CACNA2D1: variants seen among roughly 807,000 people sequenced by gnomAD.
CACNA2D1 encodes calcium voltage-gated channel auxiliary subunit alpha2delta 1.
CACNA2D1 carries 53 observed loss-of-function variants against 171.5 expected under a neutral mutation model. That is an observed-to-expected ratio of 0.31 (90% CI 0.25 to 0.39). The LOEUF (loss-of-function observed/expected upper bound fraction) is 0.39. Ranked by LOEUF, CACNA2D1 falls within the 10% of genes least tolerant of loss-of-function variation. The pLI, the probability that CACNA2D1 is intolerant of heterozygous loss-of-function variation, is 1.00. For missense variants in CACNA2D1, 903 were observed against 1,299.8 expected (o/e 0.69, Z 4.69); for synonymous variants, 442 against 443.1 (o/e 1.00, Z 0.03).
intron 1 of CACNA2D1, among the ~76,000 whole-genome samples, chr7:82,415,993 T>C (rs980771689): frequency 1.3e-5 from 2 of 151,918 alleles, no homozygotes; most frequent in Non-Finnish European, 2.9e-5. Flanking sequence ...GACGGGTGGA[T>C]TGCTTGAGGT....
chr7:82,287,739 A>C lies in CACNA2D1; in HGVS notation c.294+47396T>G, dbSNP rs1374467034. On this transcript the variant is annotated intron_variant, in intron 3 of 38. Transcript: ENST00000356860. The stretch of plus-strand genomic sequence containing the variant: ...TTTTAAAAATGATGCAGACAATTAA[A>C]ATAATGAGAGAACAAATTATCAGCC... Among the ~76,000 whole-genome samples the C allele has an allele frequency of 3.3e-5, 5 of 152,354 alleles. No homozygotes were observed. In the South Asian group the frequency reaches 6.2e-4, roughly 19 times the overall value.
At position 82,145,879 on chromosome 7, in the gene CACNA2D1, G is replaced by A. The variant is rs370823072; in HGVS notation, c.355-9203C>T. On this transcript the variant is annotated intron_variant, in intron 4 of 38. Transcript: ENST00000356860. ...TTTAAAATTATTATTAATTTATTTC[G>A]CTTACTGGAAGAACAACAAAAAGCT... Among the ~76,000 whole-genome samples the A allele has an allele frequency of 1.1e-4, 16 of 143,468 alleles. No homozygotes were observed. The East Asian group carries it at 1.7e-3, about 16-fold the overall frequency. 94.1% of individuals were successfully genotyped at this position (143,468 alleles called of 152,430 possible).
chr7:82,105,697 C>T (rs984959990), intron 6 of CACNA2D1, among the ~76,000 whole-genome samples: 12 of 151,932 alleles, frequency 7.9e-5, no homozygotes, highest in African/African-American at 2.7e-4. Flanking sequence ...ATATGAGGGA[C>T]GATGATTACT....
intron 6 of CACNA2D1, among the ~76,000 whole-genome samples, chr7:82,091,204 G>A (rs1811113452): frequency 6.6e-6 from 1 of 152,156 alleles, no homozygotes; most frequent in Non-Finnish European, 1.5e-5. Flanking sequence ...GATGAATAAG[G>A]TACAGGGAGA....
At position 82,149,796 on chromosome 7, in the gene CACNA2D1, A is replaced by AAAAGAAAAG. The variant is rs1563121875; in HGVS notation, c.355-13121_355-13120insCTTTTCTTT. Among the ~76,000 whole-genome samples the AAAAGAAAAG allele has an allele frequency of 5.8e-4, 79 of 136,736 alleles. 2 individuals carry two copies. The highest frequency in any genetic ancestry group is 9.5e-4 in the Non-Finnish European group (59 of 62,002). The allele number at this position is 136,736 out of a possible 152,430, so 89.7% of individuals were successfully genotyped here. A position where few individuals can be genotyped will look rare whatever the true frequency, so the allele number is the denominator to read the frequency against. ...ACAAAAAAAAAACAAACAAACAACA[A>AAAAGAAAAG]AAAAAAAAACATTAGCTGGGTGTGG... On this transcript the variant is annotated intron_variant, in intron 4 of 38. Transcript: ENST00000356860.
chr7:82,060,174 A>AT (rs1259916304), intron 10 of CACNA2D1, among the ~76,000 whole-genome samples: 2 of 31,896 alleles, frequency 6.3e-5, no homozygotes, highest in Non-Finnish European at 1.1e-4. Context: ...TAATATATAT[A>AT]TATAATATAT....
intron 3 of CACNA2D1, among the ~76,000 whole-genome samples, chr7:82,291,120 T>A (rs186189787): frequency 1.1e-3 from 137 of 126,926 alleles, no homozygotes; most frequent in African/African-American, 3.4e-3. Flanking sequence ...CCCTACTATC[T>A]GGGACTACAA....
intron 12 of CACNA2D1, among the ~76,000 whole-genome samples, chr7:82,024,884 C>T (rs1311603734): frequency 6.6e-6 from 1 of 151,564 alleles, no homozygotes; most frequent in Non-Finnish European, 1.5e-5. Flanking sequence ...TTTTCCAACA[C>T]CATTTGTTGC....
chr7:82,394,617 G>T (rs1312583076), intron 1 of CACNA2D1, among the ~76,000 whole-genome samples: 1 of 152,128 alleles, frequency 6.6e-6, no homozygotes, highest in African/African-American at 2.4e-5. Context: ...TAAGCAGGTG[G>T]TTTATTTCGG....
Position 82,338,903 on chromosome 7 carries a change from TGA to T in CACNA2D1, c.178-3654_178-3653del, listed in dbSNP as rs142426568. Among the ~76,000 whole-genome samples the T allele has an allele frequency of 6.1e-3, 921 of 152,188 alleles. 10 individuals carry two copies. Among genetic ancestry groups the T allele is most frequent in the South Asian group, 0.052 (251 of 4,814 alleles). ...ATCAAAGAAATTCTAATGCAGAGGC[TGA>T]GAGATGGAAAGTGGGAAGCAGACAC... On this transcript the variant is annotated intron_variant, in intron 2 of 38. Transcript: ENST00000356860.
At chr7:82,328,229 T>C (rs42051) in intron 3 of CACNA2D1, among the ~76,000 whole-genome samples, 107,797 of 152,054 alleles carry the variant, frequency 0.71, 38,407 homozygotes, top group East Asian at 0.8. Flanking sequence ...CTGGATAATT[T>C]ATACCCTCCA....
At chr7:82,055,075 T>A (rs1429623567) in intron 10 of CACNA2D1, among the ~76,000 whole-genome samples, 2 of 152,204 alleles carry the variant, frequency 1.3e-5, no homozygotes, top group Non-Finnish European at 1.5e-5. Context: ...TGGCTCAGAA[T>A]TTTCTTTTGA....
chr7:81,996,028 G>T (rs925216525), intron 19 of CACNA2D1, among the ~76,000 whole-genome samples: 1 of 152,098 alleles, frequency 6.6e-6, no homozygotes, highest in Non-Finnish European at 1.5e-5. Context: ...AAATATTTGG[G>T]TCTTAAAGGA....
chr7:82,015,718 TTGAC>T (rs1218226031), intron 12 of CACNA2D1, among the ~76,000 whole-genome samples: 3 of 152,334 alleles, frequency 2.0e-5, no homozygotes, highest in Non-Finnish European at 2.9e-5. Context: ...CTAATTCATG[TTGAC>T]TGACTATTTG....
chr7:82,261,589 T>G (rs768210616), intron 3 of CACNA2D1, among the ~76,000 whole-genome samples: 1 of 152,188 alleles, frequency 6.6e-6, no homozygotes, highest in Non-Finnish European at 1.5e-5. Flanking sequence ...GATATAAGGG[T>G]AGTATTCTAC....
At chr7:81,980,172 C>CAA (rs35616922) in intron 24 of CACNA2D1, among the ~76,000 whole-genome samples, 996 of 25,238 alleles carry the variant, frequency 0.039, 83 homozygotes, top group East Asian at 0.086. Flanking sequence ...TAAAACCAAG[C>CAA]AAAAAAAAAA....
chr7:82,234,374 C>T (rs1425857183), intron 3 of CACNA2D1, among the ~76,000 whole-genome samples: 1 of 151,648 alleles, frequency 6.6e-6, no homozygotes, highest in East Asian at 1.9e-4. Flanking sequence ...ACTACCTTAC[C>T]CATACATCTA....
chr7:82,016,618 C>A (rs1040583744), intron 12 of CACNA2D1, among the ~76,000 whole-genome samples: 3 of 122,214 alleles, frequency 2.5e-5, no homozygotes, highest in Admixed American at 1.7e-4. Flanking sequence ...CCGCCCCCCC[C>A]CCCCAAAAAA....
At chr7:82,434,110 A>T (rs1490141274) in intron 1 of CACNA2D1, among the ~76,000 whole-genome samples, 1 of 152,236 alleles carries the variant, frequency 6.6e-6, no homozygotes, top group Non-Finnish European at 1.5e-5. Context: ...GAGAAAGAGA[A>T]GAAAGAAGTG....
Sources: allele counts gnomAD v4.1 joint callset (sites outside exome capture counted in the v4.1 genomes callset), GRCh38; gene constraint gnomAD v4.1.1; transcripts MANE v1.5; gene names NCBI Gene and HGNC (gene_info 2026-07-23, HGNC 2026-07-21).